The following YARS1 variants were observed in gnomAD, a reference collection of about 807,000 sequenced individuals.
YARS1 encodes the protein tyrosyl-tRNA synthetase 1.
A neutral mutation model predicts 62.2 loss-of-function variants in YARS1; 36 were observed. The ratio of observed to expected loss-of-function variants is 0.58; its 90% CI spans 0.44 to 0.76. The LOEUF is 0.76. Among genes scored for constraint, YARS1 ranks in the 30% least tolerant of loss-of-function variants. YARS1 has a pLI of 0.00. For missense variants in YARS1, 524 were observed against 639.8 expected (o/e 0.82, Z 1.95); for synonymous variants, 234 against 244.9 (o/e 0.96, Z 0.42).
Position 32,791,220 on chromosome 1 carries a change from T to C in YARS1, c.626A>G (p.His209Arg). ...TCCTGGAACCATAGGATTCATCAGA[T>C]GGACCCGTTTTGAATAGCCAAGTGC... The part of the protein sequence containing the change: ...LPALGYSKRV[H>R]LMNPMVPGLT... Residue 209 changes from histidine (H) to arginine (R), a missense_variant, in exon 6 of 13, where the codon CAT (histidine) becomes CGT (arginine). Transcript: ENST00000373477. The C allele has an allele frequency of 6.2e-7, 1 of 1,614,132 alleles. No homozygotes were observed. Among genetic ancestry groups the C allele is most frequent in the Non-Finnish European group, 8.5e-7 (1 of 1,180,006 alleles).
chr1:32,813,069 G>A (rs946476194), intron 1 of YARS1, among the ~76,000 whole-genome samples: 3 of 150,700 alleles, frequency 2.0e-5, no homozygotes, highest in Non-Finnish European at 4.4e-5. Flanking sequence ...TCAATCAATT[G>A]CCAGTCAGGA....
chr1:32,787,532 C>T (rs1231545725), intron 6 of YARS1, among the ~76,000 whole-genome samples: 12 of 142,234 alleles, frequency 8.4e-5, no homozygotes, highest in East Asian at 4.2e-4. Flanking sequence ...TTTTTTGAGA[C>T]GGAGTCTCAC....
intron 11 of YARS1, 169 bp from the exon 12 acceptor site, chr1:32,779,692 A>T (rs1652990908): frequency 8.4e-6 from 7 of 830,620 alleles, no homozygotes; most frequent in Non-Finnish European, 1.1e-5. Flanking sequence ...GCATATCACC[A>T]GGGTTACATT....
chr1:32,781,422 A>G (rs187920338), intron 9 of YARS1: 323 of 446,048 alleles, frequency 7.2e-4, no homozygotes, highest in African/African-American at 5.5e-3. Flanking sequence ...TTCCACATAG[A>G]ATTTACTGAG....
intron 3 of YARS1, 135 bp from the exon 4 acceptor site, chr1:32,806,746 T>C (rs759600358): frequency 2.5e-6 from 3 of 1,200,324 alleles, no homozygotes; most frequent in Non-Finnish European, 3.5e-6. Flanking sequence ...TATATTTTAA[T>C]CACCAACTTT....
chr1:32,776,514 A>T lies in YARS1; in HGVS notation c.1477-423T>A, dbSNP rs752750075. ...CAGCTTTTCTAAGAAATGTTTGTCA[A>T]AAGCTTTCACATTCATCTTTTGACT... On this transcript the variant is annotated intron_variant, in intron 12 of 12. Coordinates refer to ENST00000373477, the MANE Select transcript of YARS1 (RefSeq NM_003680.4). This position sits in a 1 kb window ranked among gnomAD's most constrained non-coding sequence, Gnocchi z 4.0. Among the ~76,000 whole-genome samples the T allele has an allele frequency of 2.6e-5, 4 of 152,228 alleles. No homozygotes were observed. Among genetic ancestry groups the T allele is most frequent in the African/African-American group, 7.2e-5 (3 of 41,460 alleles).
intron 1 of YARS1, 34 bp from the exon 2 acceptor site, chr1:32,811,091 A>C: frequency 6.2e-7 from 1 of 1,613,394 alleles, no homozygotes; most frequent in Non-Finnish European, 8.5e-7. Context: ...GTTTAATGTC[A>C]GTGCCTCACC....
rs77508723 is a variant in YARS1, at chr1:32,810,863, G to A, written c.204+48C>T. 2,598 of 1,613,914 alleles carry A rather than the reference G, an allele frequency of 1.6e-3. 62 individuals carry two copies. The East Asian group carries it at 0.046, about 29-fold the overall frequency. On this transcript the variant is annotated intron_variant, in intron 2 of 12. Transcript: ENST00000373477. Reference sequence around the variant, plus strand: ...ACCCTGTCCTTGTTAAGTCTCTCTTGGGTCTCCCTTGGGTCATTCCCCAAG... The same window carrying A: ...ACCCTGTCCTTGTTAAGTCTCTCTTAGGTCTCCCTTGGGTCATTCCCCAAG...
Position 32,807,383 on chromosome 1 carries a change from G to A in YARS1, c.381-772C>T, listed in dbSNP as rs535132515. ...AGTTACATTAGGACATTCAAACAGA[G>A]CACTGCCTGGTAGCTTCTAAAATGT... On this transcript the variant is annotated intron_variant, in intron 3 of 12. Transcript: ENST00000373477. Among the ~76,000 whole-genome samples the A allele has an allele frequency of 7.9e-5, 12 of 152,218 alleles. No individual in the cohort carries two copies. In the East Asian group the frequency reaches 2.3e-3, roughly 29 times the overall value.
chr1:32,815,254 C>T (rs952070383), intron 1 of YARS1, among the ~76,000 whole-genome samples: 5 of 152,112 alleles, frequency 3.3e-5, no homozygotes, highest in African/African-American at 4.8e-5. Context: ...GAGGCTGAGG[C>T]AGGAGAATCA....
At chr1:32,781,363 G>T in intron 9 of YARS1, 1 of 582,400 alleles carries the variant, frequency 1.7e-6, no homozygotes, top group South Asian at 1.9e-5. Flanking sequence ...AGACTAGCGG[G>T]GAGGGAGCAG....
intron 4 of YARS1, among the ~76,000 whole-genome samples, chr1:32,800,478 A>T (rs1336682054): frequency 2.0e-5 from 3 of 152,178 alleles, no homozygotes; most frequent in Admixed American, 2.0e-4. Context: ...TGTCTCTACA[A>T]AAAATTTAAT....
intron 4 of YARS1, 54 bp downstream of exon 4, chr1:32,806,428 G>C: frequency 6.2e-7 from 1 of 1,612,516 alleles, no homozygotes; most frequent in Non-Finnish European, 8.5e-7. Context: ...AGATATGCCT[G>C]TCATCAAACC....
At chr1:32,779,296 G>C in intron 12 of YARS1, 86 bp downstream of exon 12, 2 of 1,606,786 alleles carry the variant, frequency 1.2e-6, no homozygotes, top group Non-Finnish European at 1.7e-6. Context: ...CAACAGAGAG[G>C]GGCAGCTATG....
At chr1:32,788,844 A>T (rs1177590674) in intron 6 of YARS1, among the ~76,000 whole-genome samples, 1 of 152,152 alleles carries the variant, frequency 6.6e-6, no homozygotes, top group Non-Finnish European at 1.5e-5. Context: ...TGGGATTGAT[A>T]GGATCTTGCT....
At position 32,806,706 on chromosome 1, in the gene YARS1, T is replaced by TA. The variant is rs145764358; in HGVS notation, c.381-96dup. 0.073 allele frequency: 112,909 copies of TA among 1,537,486 alleles called. 4,690 individuals carry two copies. Among genetic ancestry groups the TA allele is most frequent in the Middle Eastern group, 0.12 (642 of 5,240 alleles). On this transcript the variant is annotated intron_variant, in intron 3 of 12. Coordinates refer to ENST00000373477, the MANE Select transcript of YARS1 (RefSeq NM_003680.4). ...GCACATTAATTTACTTCCCTAACCT[T>TA]AGTGTAACCAGGGATCTCGGTTTTA...
At chr1:32,800,591 C>CT (rs796969983) in intron 4 of YARS1, among the ~76,000 whole-genome samples, 2,101 of 146,710 alleles carry the variant, frequency 0.014, 45 homozygotes, top group African/African-American at 0.047. Context: ...TTGTACTTTT[C>CT]TTTTTTTTTT....
At position 32,782,421 on chromosome 1, in the gene YARS1, G is replaced by A; in HGVS notation, c.1025C>T (p.Pro342Leu). The A allele has an allele frequency of 6.2e-7, 1 of 1,613,974 alleles. No individual in the cohort carries two copies. Among genetic ancestry groups the A allele is most frequent in the Non-Finnish European group, 8.5e-7 (1 of 1,179,924 alleles). ...GGCCTTACTCTGCTTTGAGGGATCT[G>A]GGTAGGCAGCGCTGGCCAGTTTTTT... is the stretch of plus-strand genomic sequence containing the variant. ...ALKKLASAAY[P>L]DPSKQKPMAK... is the part of the protein sequence containing the mutation. The change falls in exon 9 of 13, where the codon CCA becomes CTA. Residue 342 changes from proline to leucine, a missense_variant. Physicochemically the swap from Pro to Leu is moderately conservative, Grantham distance 98. Coordinates refer to ENST00000373477, the MANE Select transcript of YARS1 (RefSeq NM_003680.4).
Position 32,776,141 on chromosome 1 carries a change from GA to G in YARS1, c.1477-51del, listed in dbSNP as rs755122036. On this transcript the variant is annotated intron_variant, in intron 12 of 12. Coordinates refer to ENST00000373477, the MANE Select transcript of YARS1 (RefSeq NM_003680.4). This position sits in a 1 kb window ranked among gnomAD's most constrained non-coding sequence, Gnocchi z 4.0. The stretch of plus-strand genomic sequence containing the variant: ...TTTAATGATGGTGGTGGGACTGCAA[GA>G]AAACCCCCCCTTTTTTGGAGGGGGG... The G allele has an allele frequency of 2.7e-6, 4 of 1,487,354 alleles. No individual in the cohort carries two copies. The highest frequency in any genetic ancestry group is 3.7e-6 in the Non-Finnish European group (4 of 1,073,518). The allele number at this position is 1,487,354 out of a possible 1,614,324, so 92.1% of individuals were successfully genotyped here. A position where few individuals can be genotyped will look rare whatever the true frequency, so the allele number is the denominator to read the frequency against.
Sources: allele counts gnomAD v4.1 joint callset (sites outside exome capture counted in the v4.1 genomes callset), GRCh38; gene constraint gnomAD v4.1.1; non-coding constraint Gnocchi (gnomAD v3.1); transcripts MANE v1.5; gene names NCBI Gene and HGNC (gene_info 2026-07-23, HGNC 2026-07-21).